The following ADH1C variants were observed in gnomAD, a reference collection of about 807,000 sequenced individuals.
ADH1C encodes alcohol dehydrogenase 1C (class I), gamma polypeptide.
Under a neutral mutation model 35.0 loss-of-function variants are expected in ADH1C, and 26 were observed. The observed-to-expected ratio is 0.74, with a 90% confidence interval of 0.54 to 1.03. The LOEUF is 1.03. Ranked by LOEUF, ADH1C falls within the 50% of genes least tolerant of loss-of-function variation. The pLI is 0.00. For missense variants in ADH1C, 413 were observed against 465.4 expected (o/e 0.89, Z 1.04); for synonymous variants, 170 against 169.3 (o/e 1.00, Z -0.03).
chr4:99,337,661 A>G (rs547023752), intron 8 of ADH1C, among the ~76,000 whole-genome samples: 4 of 152,038 alleles, frequency 2.6e-5, no homozygotes, highest in Non-Finnish European at 5.9e-5. Context: ...AGAATACAGG[A>G]CAGAAGAAGC....
chr4:99,343,785 G>C (rs918258057), intron 5 of ADH1C, among the ~76,000 whole-genome samples: 6 of 152,160 alleles, frequency 3.9e-5, no homozygotes, highest in Non-Finnish European at 8.8e-5. Context: ...AAGGGAGTAA[G>C]TGCTAAAGTC....
At chr4:99,349,697 G>C (rs1166982877) in intron 1 of ADH1C, among the ~76,000 whole-genome samples, 1 of 152,070 alleles carries the variant, frequency 6.6e-6, no homozygotes, top group Non-Finnish European at 1.5e-5. Context: ...TTGAAACTTA[G>C]CTTTGGCAGC....
chr4:99,340,484 T>G, intron 7 of ADH1C, 91 bp downstream of exon 7: 2 of 1,410,474 alleles, frequency 1.4e-6, no homozygotes, highest in South Asian at 2.5e-5. Flanking sequence ...ATTTTTAATT[T>G]CATTGCTTTT....
At chr4:99,344,388 G>T (rs569793874) in intron 5 of ADH1C, among the ~76,000 whole-genome samples, 16 of 152,236 alleles carry the variant, frequency 1.1e-4, no homozygotes, top group African/African-American at 2.9e-4. Flanking sequence ...GGTGAGCCTT[G>T]GTTTCGAGGT....
chr4:99,349,486 T>C (rs1240294567), intron 1 of ADH1C, among the ~76,000 whole-genome samples: 1 of 152,228 alleles, frequency 6.6e-6, no homozygotes, highest in South Asian at 2.1e-4. Context: ...AAGTCACCTT[T>C]ACTTTGCTGA....
chr4:99,340,015 T>C (rs1734375822), intron 7 of ADH1C, among the ~76,000 whole-genome samples: 1 of 152,184 alleles, frequency 6.6e-6, no homozygotes, highest in South Asian at 2.1e-4. Context: ...ATATGATTTA[T>C]TGTTATATAT....
intron 7 of ADH1C, 129 bp downstream of exon 7, chr4:99,340,446 G>T: frequency 9.0e-7 from 1 of 1,116,508 alleles, no homozygotes; most frequent in Non-Finnish European, 1.3e-6. Flanking sequence ...CTGCATTATT[G>T]GAGACTATAG....
At chr4:99,348,665 T>A (rs1734601279) in intron 1 of ADH1C, among the ~76,000 whole-genome samples, 3 of 150,996 alleles carry the variant, frequency 2.0e-5, no homozygotes, top group Middle Eastern at 3.4e-3. Flanking sequence ...CTGGGTCAAA[T>A]GGTATTTCCA....
At position 99,344,914 on chromosome 4, in the gene ADH1C, A is replaced by G. The variant is rs1734494144; in HGVS notation, c.515T>C (p.Leu172Pro). 6.2e-7 allele frequency: 1 copy of G among 1,614,086 alleles called. No individual in the cohort carries two copies. Among genetic ancestry groups the G allele is most frequent in the Admixed American group, 1.7e-5 (1 of 60,002 alleles). ...ACCAGTCGAAAATCCACAGCCAATGAGGCAGACTTTCTCCAGGGGCGAGGC... is the reference window on the plus strand; with the variant it reads ...ACCAGTCGAAAATCCACAGCCAATGGGGCAGACTTTCTCCAGGGGCGAGGC... ...DAASPLEKVC[L>P]IGCGFSTGYG... The change falls in exon 5 of 9, where the codon CTC (leucine) becomes CCC (proline). Residue 172 changes from leucine (L) to proline (P), a missense_variant. Physicochemically the swap from Leu to Pro is moderately conservative, Grantham distance 98 (BLOSUM62 -3). Transcript: ENST00000515683.
chr4:99,352,580 T>A, intron 1 of ADH1C, 78 bp downstream of exon 1: 1 of 1,253,868 alleles, frequency 8.0e-7, no homozygotes, highest in Non-Finnish European at 1.1e-6. Context: ...TTTTAAATTA[T>A]TCATTATTAA....
Position 99,344,845 on chromosome 4 carries a change from TC to T in ADH1C, c.567+16del, listed in dbSNP as rs752790819. On this transcript the variant is annotated intron_variant, in intron 5 of 8. Transcript: ENST00000515683. ...AGTCTGCGTGTAACCGGTTTTATCATCCATTGTCATTTCTACCTTGGCAACT... is the reference window on the plus strand; with the variant it reads ...AGTCTGCGTGTAACCGGTTTTATCATCATTGTCATTTCTACCTTGGCAACT... 6.2e-5 allele frequency: 100 copies of T among 1,614,064 alleles called. 1 individual carries two copies. Among genetic ancestry groups the T allele is most frequent in the Non-Finnish European group, 8.4e-5 (99 of 1,179,970 alleles).
In ADH1C at chr4:99,336,734, G is replaced by A; in HGVS notation, c.*18C>T. The stretch of plus-strand genomic sequence containing the variant: ...GAGGAGGCTGAAAACTGCTACAAGG[G>A]AAGGCATCTGTATTGTTTCAAAACG... On this transcript the variant is annotated 3_prime_UTR_variant, in exon 9 of 9. Transcript: ENST00000515683. 1 of 1,613,434 alleles carries A rather than the reference G, an allele frequency of 6.2e-7. No homozygotes were observed. Among genetic ancestry groups the A allele is most frequent in the South Asian group, 1.1e-5 (1 of 91,062 alleles).
intron 1 of ADH1C, 30 bp from the exon 2 acceptor site, chr4:99,347,876 G>GTGT: frequency 6.2e-7 from 1 of 1,611,520 alleles, no homozygotes; most frequent in Non-Finnish European, 8.5e-7. Flanking sequence ...GATGGTACCA[G>GTGT]TGTTTTCCCA....
At position 99,339,562 on chromosome 4, in the gene ADH1C, C is replaced by A. The variant is rs771916574; in HGVS notation, c.1103+15G>T. ...TAGAATACAAAGCAAAACAAAAAAA[C>A]AACTTAAAATCTACCTCTTTCCAGA... On this transcript the variant is annotated intron_variant, in intron 8 of 8. Coordinates refer to ENST00000515683, the MANE Select transcript of ADH1C (RefSeq NM_000669.5). 146 of 1,322,726 alleles carry A rather than the reference C, an allele frequency of 1.1e-4. No homozygotes were observed. Among genetic ancestry groups the A allele is most frequent in the Non-Finnish European group, 1.4e-4 (135 of 985,358 alleles). 81.9% of individuals were successfully genotyped at this position (1,322,726 alleles called of 1,614,324 possible). A position where few individuals can be genotyped will look rare whatever the true frequency, so the allele number is the denominator to read the frequency against.
intron 1 of ADH1C, among the ~76,000 whole-genome samples, chr4:99,348,962 T>G (rs1474706114): frequency 4.8e-5 from 7 of 146,166 alleles, no homozygotes; most frequent in South Asian, 4.5e-4. Context: ...TCGCCCACTT[T>G]TTGATGGGGT....
intron 1 of ADH1C, among the ~76,000 whole-genome samples, chr4:99,349,658 C>T (rs1734628237): frequency 7.5e-6 from 1 of 133,066 alleles, no homozygotes; most frequent in South Asian, 2.3e-4. Context: ...TCTCTCTCCA[C>T]TTCTGTGTTA....
In ADH1C at chr4:99,347,024, C is replaced by A. The variant is rs1300664218; in HGVS notation, c.241G>T (p.Val81Leu). ...AGIVESVGEG[V>L]TTVKPGDKVI... ...CCTGTACCTGGTTTGACTGTAGTCA[C>A]CCCTTCTCCAACACTTTCCACGATG... Residue 81 changes from valine (V) to leucine (L), a missense_variant, in exon 3 of 9, where the codon GTG becomes TTG. Coordinates refer to ENST00000515683, the MANE Select transcript of ADH1C (RefSeq NM_000669.5). The A allele has an allele frequency of 6.2e-7, 1 of 1,614,014 alleles. No individual in the cohort carries two copies. Among genetic ancestry groups the A allele is most frequent in the South Asian group, 1.1e-5 (1 of 91,056 alleles).
intron 5 of ADH1C, 121 bp from the exon 6 acceptor site, chr4:99,343,176 T>A: frequency 2.1e-6 from 3 of 1,406,218 alleles, no homozygotes; most frequent in Non-Finnish European, 2.9e-6. Context: ...GTCCAATCTG[T>A]TATCGAAACC....
intron 1 of ADH1C, among the ~76,000 whole-genome samples, chr4:99,350,394 C>T (rs1043432834): frequency 1.3e-5 from 2 of 152,136 alleles, no homozygotes; most frequent in South Asian, 2.1e-4. Flanking sequence ...CTGTATCCAA[C>T]GTGTAGTCTT....
Sources: gnomAD v4.1 joint callset for allele counts (sites outside exome capture counted in the v4.1 genomes callset) on GRCh38, gnomAD v4.1.1 for gene constraint, MANE v1.5 for transcripts, NCBI Gene and HGNC (gene_info 2026-07-23, HGNC 2026-07-21) for gene names.